The following TRPC5 variants were observed in gnomAD, a reference collection of about 807,000 sequenced individuals.
TRPC5 encodes transient receptor potential cation channel subfamily C member 5.
Under a neutral mutation model 56.5 loss-of-function variants are expected in TRPC5, and 9 were observed. The observed-to-expected ratio is 0.16, with a 90% CI of 0.10 to 0.28. The LOEUF (loss-of-function observed/expected upper bound fraction) is 0.28. Among genes scored for constraint, TRPC5 ranks in the 10% least tolerant of loss-of-function variants. The pLI, the probability that TRPC5 is intolerant of heterozygous loss-of-function variation, is 1.00. For synonymous variants in TRPC5, 282 were observed against 278.5 expected (o/e 1.01, Z -0.13); for missense variants, 469 against 748.9 (o/e 0.63, Z 4.36).
intron 1 of TRPC5, among the ~76,000 whole-genome samples, chrX:111,972,471 G>C (rs912451929): frequency 8.9e-6 from 1 of 112,059 alleles, no homozygotes; most frequent in Non-Finnish European, 1.9e-5. Context: ...ACTTTACTAC[G>C]TGAGTATGAG....
chrX:111,884,640 A>G (rs1924385910), intron 3 of TRPC5, among the ~76,000 whole-genome samples: 2 of 112,967 alleles, frequency 1.8e-5, no homozygotes, highest in African/African-American at 6.4e-5. Context: ...GAGTCTAGTT[A>G]AAGTAGAGCA....
intron 7 of TRPC5, among the ~76,000 whole-genome samples, chrX:111,813,234 G>A (rs768882666): frequency 2.4e-4 from 27 of 112,207 alleles, no homozygotes; most frequent in Middle Eastern, 4.6e-3. Context: ...ACTTTTGTGC[G>A]GCTATAATGT....
chrX:111,849,763 A>T (rs1409532398), intron 5 of TRPC5, among the ~76,000 whole-genome samples: 1 of 112,066 alleles, frequency 8.9e-6, no homozygotes, highest in Non-Finnish European at 1.9e-5. Context: ...AGCACCACTG[A>T]TCTAGTTTAA....
intron 3 of TRPC5, among the ~76,000 whole-genome samples, chrX:111,909,503 T>C (rs1481918598): frequency 1.8e-5 from 2 of 110,900 alleles, no homozygotes; most frequent in Non-Finnish European, 3.8e-5. Flanking sequence ...GATGTGAATG[T>C]ACTTAATTCC....
At chrX:111,916,752 A>C (rs781285629) in intron 2 of TRPC5, among the ~76,000 whole-genome samples, 24 of 112,500 alleles carry the variant, frequency 2.1e-4, no homozygotes, top group Non-Finnish European at 4.1e-4. Flanking sequence ...AAGAAGCCGG[A>C]AACATGGATT....
intron 7 of TRPC5, among the ~76,000 whole-genome samples, chrX:111,796,285 A>G (rs1921089696): frequency 8.9e-6 from 1 of 111,894 alleles, no homozygotes; most frequent in Admixed American, 9.5e-5. Context: ...CATATTTAAA[A>G]CACATTTAAA....
At chrX:111,972,490 G>C (rs780999670) in intron 1 of TRPC5, among the ~76,000 whole-genome samples, 1 of 112,042 alleles carries the variant, frequency 8.9e-6, no homozygotes, top group East Asian at 2.8e-4. Flanking sequence ...AGGCACAAGA[G>C]AGAGCGATAC....
intron 1 of TRPC5, among the ~76,000 whole-genome samples, chrX:111,954,573 T>G (rs1041654617): frequency 1.8e-5 from 2 of 111,694 alleles, no homozygotes; most frequent in South Asian, 7.5e-4. Flanking sequence ...GGATTAGAGG[T>G]GAGCTAACAT....
At position 111,773,066 on chromosome X, in the gene TRPC5, G is replaced by T. The variant is rs757223946; in HGVS notation, c.*3247C>A. Among the ~76,000 whole-genome samples the T allele has an allele frequency of 3.8e-4, 43 of 112,087 alleles. No homozygotes were observed. Among genetic ancestry groups the T allele is most frequent in the South Asian group, 7.5e-4 (2 of 2,680 alleles). On this transcript the variant is annotated 3_prime_UTR_variant, in exon 11 of 11. Coordinates refer to ENST00000262839, the MANE Select transcript of TRPC5 (RefSeq NM_012471.3). ...AATGATTTAATCAAATTGCAGACAG[G>T]TATTTACGACTTAGCTGAAATAGCC...
Position 111,966,211 on chromosome X carries a change from C to A in TRPC5, c.-21-13770G>T, listed in dbSNP as rs868721243. Reference sequence around the variant, plus strand: ...GAATACTACAAACACCTCTACGCAACTAAACTAGAAAATCTAGAAGAAATG... The same window carrying A: ...GAATACTACAAACACCTCTACGCAAATAAACTAGAAAATCTAGAAGAAATG... On this transcript the variant is annotated intron_variant, in intron 1 of 10. Coordinates refer to ENST00000262839, the MANE Select transcript of TRPC5 (RefSeq NM_012471.3). Among the ~76,000 whole-genome samples the A allele has an allele frequency of 8.9e-3, 992 of 111,547 alleles. 6 individuals carry two copies. The highest frequency in any genetic ancestry group is 0.011 in the Non-Finnish European group (598 of 52,962).
chrX:111,928,925 C>T (rs1274323920), intron 2 of TRPC5, among the ~76,000 whole-genome samples: 1 of 112,198 alleles, frequency 8.9e-6, no homozygotes, highest in Admixed American at 9.5e-5. Context: ...TATAGCCAGA[C>T]ACCTCAGAGC....
chrX:111,905,454 GATAA>G (rs1266503399), intron 3 of TRPC5, among the ~76,000 whole-genome samples: 1 of 111,874 alleles, frequency 8.9e-6, no homozygotes, highest in African/African-American at 3.3e-5. Flanking sequence ...TACTTGTATT[GATAA>G]ATAAAACTGT....
At chrX:112,074,695 G>C (rs1416705477) in intron 1 of TRPC5, among the ~76,000 whole-genome samples, 1 of 111,339 alleles carries the variant, frequency 9.0e-6, no homozygotes, top group Non-Finnish European at 1.9e-5. Context: ...CTTCATGTTT[G>C]CTCCCATCAT....
At position 111,962,817 on chromosome X, in the gene TRPC5, T is replaced by C. The variant is rs182811243; in HGVS notation, c.-21-10376A>G. 3.9e-3 allele frequency among the ~76,000 whole-genome samples: 436 copies of C among 112,102 alleles called. 3 individuals are homozygous for C. The highest frequency in any genetic ancestry group is 0.013 in the African/African-American group (404 of 30,859). ...CAATCGATGTGGCAAACTTAATTGT[T>C]GTCTTATTTTAAGAAATTGCCGGGG... On this transcript the variant is annotated intron_variant, in intron 1 of 10. Transcript: ENST00000262839.
chrX:111,835,262 AAC>A lies in TRPC5; in HGVS notation c.1701-148_1701-147del, dbSNP rs1391408969. On this transcript the variant is annotated intron_variant, in intron 6 of 10. Transcript: ENST00000262839. ...TCTCACATATTTTGGGCTCTTCCCT[AAC>A]ACAGACTGACCATCCATGTCCATTT... is the stretch of plus-strand genomic sequence containing the variant. The A allele has an allele frequency of 6.4e-5, 29 of 454,115 alleles. No individual in the cohort carries two copies. In the African/African-American group the frequency reaches 6.8e-4, roughly 11 times the overall value. The allele number at this position is 454,115 out of a possible 1,213,427, so 37.4% of individuals were successfully genotyped here. A position where few individuals can be genotyped will look rare whatever the true frequency, so the allele number is the denominator to read the frequency against.
At chrX:111,805,274 T>A (rs1921463123) in intron 7 of TRPC5, among the ~76,000 whole-genome samples, 1 of 112,279 alleles carries the variant, frequency 8.9e-6, no homozygotes, top group South Asian at 3.7e-4. Flanking sequence ...TGAGGATTTT[T>A]GCATCAATGT....
At chrX:111,905,449 G>A (rs1925558649) in intron 3 of TRPC5, among the ~76,000 whole-genome samples, 1 of 111,969 alleles carries the variant, frequency 8.9e-6, no homozygotes, top group African/African-American at 3.2e-5. Context: ...TGAATTACTT[G>A]TATTGATAAA....
intron 7 of TRPC5, among the ~76,000 whole-genome samples, chrX:111,782,643 CAAT>C (rs1945928762): frequency 1.8e-5 from 2 of 111,284 alleles, no homozygotes; most frequent in South Asian, 3.8e-4. Flanking sequence ...ACTAAACTGT[CAAT>C]AGTAGTTATT....
intron 1 of TRPC5, among the ~76,000 whole-genome samples, chrX:112,025,715 C>T (rs202001313): frequency 1.8e-5 from 2 of 111,665 alleles, no homozygotes; most frequent in East Asian, 5.6e-4. Context: ...TGAATAAGAT[C>T]CCTCTTCATG....
Sources: allele counts gnomAD v4.1 joint callset (sites outside exome capture counted in the v4.1 genomes callset), GRCh38; gene constraint gnomAD v4.1.1; transcripts MANE v1.5; gene names NCBI Gene and HGNC (gene_info 2026-07-23, HGNC 2026-07-21).